The following BMS1 variants were observed in gnomAD, a reference collection of about 807,000 sequenced individuals.
BMS1 encodes ribosome biogenesis protein BMS1 homolog.
A neutral mutation model predicts 138.7 loss-of-function variants in BMS1; 53 were observed. The ratio of observed to expected loss-of-function variants is 0.38; its 90% CI spans 0.31 to 0.48. The LOEUF (loss-of-function observed/expected upper bound fraction) is 0.48, where lower values mean the gene tolerates loss of function less well. Among genes scored for constraint, BMS1 ranks in the 20% least tolerant of loss-of-function variants. The probability of loss-of-function intolerance (pLI) is 0.97; values close to 1 mark genes in which losing one functional copy is unlikely to be tolerated. For synonymous variants in BMS1, 504 were observed against 539.9 expected, an observed-to-expected ratio of 0.93 and a Z score of 0.92; for missense variants, 1,360 against 1,565.5, an observed-to-expected ratio of 0.87 and a Z score of 2.22.
At chr10:42,830,843 T>A in intron 22 of BMS1, 23 bp from the exon 23 acceptor site, 10 of 1,589,672 alleles carry the variant, frequency 6.3e-6, no homozygotes, top group Non-Finnish European at 8.6e-6. Context: ...ATTCTGATAC[T>A]CACCGGCTTT....
intron 12 of BMS1, among the ~76,000 whole-genome samples, chr10:42,798,999 T>G (rs1841788740): frequency 6.6e-6 from 1 of 152,268 alleles, no homozygotes; most frequent in Non-Finnish European, 1.5e-5. Context: ...TAGAGAAATC[T>G]GTGATACCTG....
At chr10:42,807,035 A>ATG (rs749088296) in intron 13 of BMS1, among the ~76,000 whole-genome samples, 255 of 151,314 alleles carry the variant, frequency 1.7e-3, no homozygotes, top group East Asian at 0.012. Flanking sequence ...AGTTTCACTT[A>ATG]TGTGTGTGTG....
chr10:42,789,038 TG>T (rs1841424462), intron 4 of BMS1, among the ~76,000 whole-genome samples: 1 of 152,226 alleles, frequency 6.6e-6, no homozygotes, highest in Non-Finnish European at 1.5e-5. Context: ...TGCTCTGCTG[TG>T]GGTTGCCAAA....
chr10:42,830,454 G>A (rs755150190), intron 22 of BMS1, 32 bp downstream of exon 22: 34 of 1,572,574 alleles, frequency 2.2e-5, no homozygotes, highest in East Asian at 4.5e-5. Flanking sequence ...TGCACGCTGC[G>A]TTTAGATAGG....
In BMS1 at chr10:42,796,833, G is replaced by C; in HGVS notation, c.1589G>C (p.Cys530Ser). 1 of 1,614,266 alleles carries C rather than the reference G, an allele frequency of 6.2e-7. No homozygotes were observed. ...EADESSEEED[C>S]TAGEKGISGS... ...GATGAAAGCAGTGAAGAAGAGGACTGCACTGCAGGAGAGAAGGGCATTTCA... is the reference window on the plus strand; with the variant it reads ...GATGAAAGCAGTGAAGAAGAGGACTCCACTGCAGGAGAGAAGGGCATTTCA... Residue 530 changes from cysteine to serine, a missense_variant, in exon 10 of 23, where the codon TGC becomes TCC. Coordinates refer to ENST00000374518, the MANE Select transcript of BMS1 (RefSeq NM_014753.4).
At chr10:42,824,853 G>A (rs1478015268) in intron 21 of BMS1, among the ~76,000 whole-genome samples, 1 of 151,900 alleles carries the variant, frequency 6.6e-6, no homozygotes, top group African/African-American at 2.4e-5. Context: ...CTATTTTTTT[G>A]TTTTTATGCC....
At position 42,791,695 on chromosome 10, in the gene BMS1, G is replaced by T. The variant is rs1254832344; in HGVS notation, c.705G>T (p.Leu235=). ...ATCAAAACCAAGAAATCCACAATCT[G>T]GGCCGTTTTATTACAGTTATGAAGT... ...GEYQNQEIHN[L]GRFITVMKFR... Residue 235 remains leucine (L), a synonymous_variant, in exon 6 of 23, where the codon CTG becomes CTT. Transcript: ENST00000374518. 1.9e-6 allele frequency: 3 copies of T among 1,613,788 alleles called. No homozygotes were observed. Among genetic ancestry groups the T allele is most frequent in the Non-Finnish European group, 2.5e-6 (3 of 1,179,770 alleles).
chr10:42,818,378 G>A (rs1842409180), intron 15 of BMS1, among the ~76,000 whole-genome samples: 1 of 152,204 alleles, frequency 6.6e-6, no homozygotes, highest in Non-Finnish European at 1.5e-5. Flanking sequence ...TGAAATGGGA[G>A]TCCTTGGAGG....
At chr10:42,805,416 T>C (rs1009863468) in intron 13 of BMS1, among the ~76,000 whole-genome samples, 1 of 152,200 alleles carries the variant, frequency 6.6e-6, no homozygotes, top group Non-Finnish European at 1.5e-5. Flanking sequence ...TTTTTAACTT[T>C]AGGTAGTTTT....
At chr10:42,794,291 G>A (rs1177209223) in intron 9 of BMS1, among the ~76,000 whole-genome samples, 1 of 152,006 alleles carries the variant, frequency 6.6e-6, no homozygotes, top group African/African-American at 2.4e-5. Flanking sequence ...GCTTTCTTTT[G>A]GTGGCCAAAA....
intron 13 of BMS1, among the ~76,000 whole-genome samples, chr10:42,804,679 T>C (rs1317977698): frequency 6.6e-6 from 1 of 152,152 alleles, no homozygotes; most frequent in Non-Finnish European, 1.5e-5. Context: ...AATAGTGTTT[T>C]TCACAGAGCA....
At chr10:42,816,159 C>T (rs764828651) in intron 13 of BMS1, among the ~76,000 whole-genome samples, 2 of 152,092 alleles carry the variant, frequency 1.3e-5, no homozygotes, top group Non-Finnish European at 2.9e-5. Flanking sequence ...ATTAGCCAGG[C>T]TTGGTGGCGG....
intron 2 of BMS1, 91 bp from the exon 3 acceptor site, chr10:42,785,391 C>G: frequency 8.6e-7 from 1 of 1,160,668 alleles, no homozygotes; most frequent in East Asian, 2.6e-5. Flanking sequence ...TATAAGTGTA[C>G]CAAAAAAGTC....
chr10:42,800,097 G>A (rs1451926966), intron 12 of BMS1, among the ~76,000 whole-genome samples: 2 of 152,102 alleles, frequency 1.3e-5, no homozygotes, highest in Non-Finnish European at 2.9e-5. Context: ...TGTGGGTTGT[G>A]GCTACTTGTG....
At position 42,831,206 on chromosome 10, in the gene BMS1, T is replaced by A; in HGVS notation, c.*110T>A. ...TCAGTGGGAAAGAGCTCAAGAGATG[T>A]CTCTACTCAAACTGTGCCTGCAGGA... On this transcript the variant is annotated 3_prime_UTR_variant, in exon 23 of 23. Transcript: ENST00000374518. 8.6e-7 allele frequency: 1 copy of A among 1,156,388 alleles called. No homozygotes were observed. Among genetic ancestry groups the A allele is most frequent in the Non-Finnish European group, 1.2e-6 (1 of 827,502 alleles). The allele number at this position is 1,156,388 out of a possible 1,614,324, so 71.6% of individuals were successfully genotyped here. A position where few individuals can be genotyped will look rare whatever the true frequency, so the allele number is the denominator to read the frequency against.
chr10:42,831,073 G>A lies in BMS1; in HGVS notation c.3826G>A (p.Gly1276Arg), dbSNP rs1490645732. 5.7e-6 allele frequency: 9 copies of A among 1,569,524 alleles called. No homozygotes were observed. In the Admixed American group the frequency reaches 1.7e-4, roughly 30 times the overall value. Reference sequence around the variant, plus strand: ...AAGAAACCAGAAGTCCAGTTTGAAGGGGGCTGAGGGCCAATTGCAGTGAGC... The same window carrying A: ...AAGAAACCAGAAGTCCAGTTTGAAGAGGGCTGAGGGCCAATTGCAGTGAGC... ...ERRNQKSSLK[G>R]AEGQLQ is the part of the protein sequence containing the mutation. The change falls in exon 23 of 23, where the codon GGG becomes AGG. Residue 1276 changes from glycine to arginine, a missense_variant. Around this residue, in one of 3 missense-constraint regions of BMS1, gnomAD observed 425 missense variants for 568.3 expected, o/e 0.75. Coordinates refer to ENST00000374518, the MANE Select transcript of BMS1 (RefSeq NM_014753.4).
intron 11 of BMS1, among the ~76,000 whole-genome samples, 178 bp from the exon 12 acceptor site, chr10:42,798,290 A>G (rs1841754632): frequency 6.6e-6 from 1 of 152,122 alleles, no homozygotes; most frequent in African/African-American, 2.4e-5. Flanking sequence ...GGCTCTCTTC[A>G]TCTGTGGCTG....
At chr10:42,798,292 C>T (rs1038649215) in intron 11 of BMS1, among the ~76,000 whole-genome samples, 176 bp from the exon 12 acceptor site, 5 of 152,234 alleles carry the variant, frequency 3.3e-5, no homozygotes, top group African/African-American at 4.8e-5. Context: ...CTCTCTTCAT[C>T]TGTGGCTGCC....
At chr10:42,806,881 A>C (rs1410162620) in intron 13 of BMS1, among the ~76,000 whole-genome samples, 1 of 152,204 alleles carries the variant, frequency 6.6e-6, no homozygotes, top group Non-Finnish European at 1.5e-5. Flanking sequence ...AAAAAAAAGA[A>C]CGAATACAGA....
Sources: gnomAD v4.1 joint callset for allele counts (sites outside exome capture counted in the v4.1 genomes callset) on GRCh38, gnomAD v4.1.1 for gene constraint, gnomAD v4.1.1 regional missense constraint, MANE v1.5 for transcripts, NCBI Gene and HGNC (gene_info 2026-07-23, HGNC 2026-07-21) for gene names.